The following ABCG5 variants were observed in gnomAD, a reference collection of about 807,000 sequenced individuals.
The protein encoded by ABCG5 is ATP-binding cassette sub-family G member 5.
In ABCG5, 64 loss-of-function variants were observed where a neutral mutation model predicts 64.5. The ratio of observed to expected loss-of-function variants is 0.99; its 90% CI spans 0.81 to 1.22. The LOEUF is 1.22. ABCG5 is among the 50% of genes most tolerant of loss of function. The pLI is 0.00. For missense variants in ABCG5, 908 were observed against 829.5 expected (o/e 1.09, Z -1.16); for synonymous variants, 385 against 326.3 (o/e 1.18, Z -1.94).
chr2:43,823,626 A>T (rs1252636868), intron 9 of ABCG5, among the ~76,000 whole-genome samples: 1 of 152,136 alleles, frequency 6.6e-6, no homozygotes, highest in East Asian at 1.9e-4. Flanking sequence ...GGCCAAGATG[A>T]GATAGGAGGA....
At chr2:43,825,551 CT>C (rs926494460) in intron 6 of ABCG5, among the ~76,000 whole-genome samples, 6 of 152,132 alleles carry the variant, frequency 3.9e-5, no homozygotes, top group Admixed American at 2.0e-4. Context: ...CTAATGCTAG[CT>C]TTTTACTATT....
chr2:43,822,939 G>A lies in ABCG5; in HGVS notation c.1325-4C>T, dbSNP rs370895243. The A allele has an allele frequency of 6.2e-6, 10 of 1,613,522 alleles. No individual in the cohort carries two copies. In the African/African-American group the frequency reaches 1.2e-4, roughly 19 times the overall value. ...CTGACAGCTCGCAGCACGGGAACTG[G>A]GGATGGAAGGCAGGTTTCAGAACAG... On this transcript the variant is annotated splice_polypyrimidine_tract_variant and splice_region_variant and intron_variant, in intron 9 of 12. Transcript: ENST00000405322.
At chr2:43,836,983 C>T (rs1043431078) in intron 2 of ABCG5, among the ~76,000 whole-genome samples, 18 of 150,590 alleles carry the variant, frequency 1.2e-4, no homozygotes, top group African/African-American at 3.2e-4. Context: ...GAGCCAAGAT[C>T]GCACCACTGC....
intron 6 of ABCG5, among the ~76,000 whole-genome samples, chr2:43,826,158 C>G (rs1572774114): frequency 6.6e-6 from 1 of 150,918 alleles, no homozygotes; most frequent in East Asian, 2.0e-4. Flanking sequence ...CTTTTTCTTT[C>G]TTTCTTTCTT....
rs1159523791 is a variant in ABCG5, at chr2:43,838,387, CCTT to C, written c.143+147_143+149del. The C allele has an allele frequency of 1.3e-6, 1 of 743,844 alleles. No homozygotes were observed. Among genetic ancestry groups the C allele is most frequent in the Admixed American group, 2.7e-5 (1 of 36,838 alleles). 46.1% of individuals were successfully genotyped at this position (743,844 alleles called of 1,614,324 possible). ...GTCGCTCCATGTTTCCCAGCACAGCCCTTCTCCCTCTCCTCTCTCCACCCGATC... is the reference window on the plus strand; with the variant it reads ...GTCGCTCCATGTTTCCCAGCACAGCCCTCCCTCTCCTCTCTCCACCCGATC... On this transcript the variant is annotated intron_variant, in intron 1 of 12. Transcript: ENST00000405322. The surrounding 1 kb of genome is among the most constrained non-coding windows in gnomAD (Gnocchi z 4.2).
At chr2:43,829,774 A>G (rs1667851557) in intron 4 of ABCG5, among the ~76,000 whole-genome samples, 2 of 152,240 alleles carry the variant, frequency 1.3e-5, no homozygotes, top group Admixed American at 1.3e-4. Context: ...AAACAAAACC[A>G]TTGCATTAAA....
At chr2:43,822,640 A>T (rs1667305394) in intron 10 of ABCG5, 157 bp downstream of exon 10, 2 of 983,026 alleles carry the variant, frequency 2.0e-6, no homozygotes, top group Non-Finnish European at 1.2e-6. Flanking sequence ...CAATAAAATT[A>T]ATGTCCTGGA....
downstream of ABCG5, chr2:43,809,660 T>A (rs746943988): frequency 1.5e-5 from 22 of 1,433,926 alleles, no homozygotes; most frequent in Non-Finnish European, 2.1e-5. Flanking sequence ...CTCCTTGAAT[T>A]AGTAAAGTTG....
rs1160277708 is a variant in ABCG5, at chr2:43,824,087, G to A, written c.1150C>T (p.Leu384=). 1 of 1,614,214 alleles carries A rather than the reference G, an allele frequency of 6.2e-7. No homozygotes were observed. The highest frequency in any genetic ancestry group is 8.5e-7 in the Non-Finnish European group (1 of 1,180,032). ...TGAAGGAGACGCGTAATCACTGCCA[G>A]CTTATTTCTCACCAAGTTTCTTGTC... ...RVTRNLVRNK[L]AVITRLLQNL... The change falls in exon 9 of 13, where the codon CTG becomes TTG. Residue 384 remains leucine, a synonymous_variant. Transcript: ENST00000405322.
chr2:43,830,980 A>G (rs4131228), intron 4 of ABCG5, among the ~76,000 whole-genome samples: 2,043 of 152,300 alleles, frequency 0.013, 23 homozygotes, highest in South Asian at 0.041. Context: ...AAAAATAACT[A>G]TGTCTGTTCA....
At chr2:43,832,259 G>A (rs1667997023) in intron 2 of ABCG5, 176 bp from the exon 3 acceptor site, 1 of 812,914 alleles carries the variant, frequency 1.2e-6, no homozygotes, top group South Asian at 1.7e-5. Flanking sequence ...AACGCGCACT[G>A]TGCGTGCAGC....
At chr2:43,815,609 G>C (rs893691735) in intron 11 of ABCG5, among the ~76,000 whole-genome samples, 1 of 152,158 alleles carries the variant, frequency 6.6e-6, no homozygotes, top group Admixed American at 6.5e-5. Flanking sequence ...GTGGGACTCT[G>C]GGAAGGAATT....
At chr2:43,835,500 T>G (rs1668207839) in intron 2 of ABCG5, among the ~76,000 whole-genome samples, 2 of 152,190 alleles carry the variant, frequency 1.3e-5, no homozygotes, top group Non-Finnish European at 2.9e-5. Context: ...TACATGTGTA[T>G]AGCTAGATGT....
chr2:43,819,912 T>TA lies in ABCG5; in HGVS notation c.1649+2dup, dbSNP rs748047359. ...CTAAATTTTTTGAATTATGATATCTTACCTGAGGAATCCAGATCCAACAAG... is the reference window on the plus strand; with the variant it reads ...CTAAATTTTTTGAATTATGATATCTTAACCTGAGGAATCCAGATCCAACAAG... On this transcript the variant is annotated splice_region_variant and intron_variant, in intron 11 of 12. Coordinates refer to ENST00000405322, the MANE Select transcript of ABCG5 (RefSeq NM_022436.3). The TA allele has an allele frequency of 2.0e-5, 32 of 1,613,994 alleles. No individual in the cohort carries two copies. Among genetic ancestry groups the TA allele is most frequent in the Non-Finnish European group, 2.5e-5 (29 of 1,180,006 alleles).
upstream of ABCG5, chr2:43,838,934 G>A: frequency 2.4e-6 from 3 of 1,240,628 alleles, no homozygotes; most frequent in Non-Finnish European, 3.4e-6. This position sits in a 1 kb window ranked among gnomAD's most constrained non-coding sequence, Gnocchi z 4.2. Flanking sequence ...GGGAGAGACG[G>A]GCCCAGGGCA....
chr2:43,836,579 C>A (rs1436313924), intron 2 of ABCG5, among the ~76,000 whole-genome samples: 1 of 152,276 alleles, frequency 6.6e-6, no homozygotes, highest in African/African-American at 2.4e-5. Flanking sequence ...AGCCATCCCC[C>A]AGCTGCTGAG....
At chr2:43,839,080 A>AG, upstream of ABCG5, 1 of 1,551,090 alleles carries the variant, frequency 6.4e-7, no homozygotes, top group Non-Finnish European at 8.7e-7. Context: ...CAGAGGAGAG[A>AG]GGGCTGCCGA....
intron 10 of ABCG5, among the ~76,000 whole-genome samples, chr2:43,821,216 T>C (rs576970040): frequency 1.1e-4 from 16 of 152,254 alleles, no homozygotes; most frequent in Middle Eastern, 6.8e-3. Context: ...CCGTTCCTCA[T>C]TGTTGTCTTC....
intron 6 of ABCG5, among the ~76,000 whole-genome samples, chr2:43,825,941 A>G (rs555517640): frequency 6.6e-6 from 1 of 151,468 alleles, no homozygotes; most frequent in South Asian, 2.1e-4. Flanking sequence ...TTCCCCTCTC[A>G]GGAGCTGTTG....
Sources: gnomAD v4.1 joint callset for allele counts (sites outside exome capture counted in the v4.1 genomes callset) on GRCh38, gnomAD v4.1.1 for gene constraint, Gnocchi (gnomAD v3.1) non-coding constraint, MANE v1.5 for transcripts, NCBI Gene and HGNC (gene_info 2026-07-23, HGNC 2026-07-21) for gene names.